SLC2A5: variants seen among roughly 807,000 people sequenced by gnomAD.
SLC2A5 encodes solute carrier family 2 member 5.
A neutral mutation model predicts 50.3 loss-of-function variants in SLC2A5; 56 were observed. The ratio of observed to expected loss-of-function variants is 1.11; its 90% CI spans 0.90 to 1.39. SLC2A5 has a LOEUF of 1.39. Among genes scored for constraint, SLC2A5 ranks in the 40% most tolerant of loss-of-function variants. The probability of loss-of-function intolerance (pLI) is 0.00; values close to 1 mark genes in which losing one functional copy is unlikely to be tolerated. For synonymous variants in SLC2A5, 269 were observed against 281.9 expected (o/e 0.95, Z 0.46); for missense variants, 566 against 650.1 (o/e 0.87, Z 1.41).
chr1:9,056,310 C>T (rs184944410), intron 3 of SLC2A5, among the ~76,000 whole-genome samples: 4 of 152,188 alleles, frequency 2.6e-5, no homozygotes, highest in East Asian at 1.9e-4. Flanking sequence ...CTCAGCCTCC[C>T]GAGTAGGGGG....
At chr1:9,047,826 A>T in intron 3 of SLC2A5, 92 bp from the exon 4 acceptor site, 1 of 1,333,376 alleles carries the variant, frequency 7.5e-7, no homozygotes, top group Admixed American at 1.9e-5. Flanking sequence ...CATAGGCTCC[A>T]GCAGTTACAG....
chr1:9,075,353 C>T (rs1299489375), intron 2 of SLC2A5, among the ~76,000 whole-genome samples: 1 of 152,166 alleles, frequency 6.6e-6, no homozygotes, highest in African/African-American at 2.4e-5. Context: ...GTGGCGTAAT[C>T]CAACATCCCA....
rs567677693 is a variant in SLC2A5, at chr1:9,038,350, G to C, written c.1174+81C>G. The C allele has an allele frequency of 2.1e-4, 215 of 1,031,660 alleles. No individual in the cohort carries two copies. The African/African-American group carries it at 2.8e-3, about 13-fold the overall frequency. The allele number at this position is 1,031,660 out of a possible 1,614,324, so 63.9% of individuals were successfully genotyped here. On this transcript the variant is annotated intron_variant, in intron 10 of 11. Coordinates refer to ENST00000377424, the MANE Select transcript of SLC2A5 (RefSeq NM_003039.3). ...TTTCCAGGCTGCATTGGCCATCCCT[G>C]GTATCTCTAAGGAGCTCCAGCCCGG... is the stretch of plus-strand genomic sequence containing the variant.
At chr1:9,082,469 C>T (rs115826349) in intron 2 of SLC2A5, among the ~76,000 whole-genome samples, 1,941 of 152,132 alleles carry the variant, frequency 0.013, 40 homozygotes, top group African/African-American at 0.044. Flanking sequence ...GTCCCAGCTC[C>T]CCAGGAGGCT....
upstream of SLC2A5, among the ~76,000 whole-genome samples, chr1:9,088,719 G>A (rs1705301): frequency 5.9e-5 from 9 of 152,114 alleles, no homozygotes; most frequent in Non-Finnish European, 1.2e-4. Context: ...GGAGGTGGAG[G>A]TTGCAGTGAG....
intron 3 of SLC2A5, among the ~76,000 whole-genome samples, chr1:9,052,977 T>A (rs200394892): frequency 0.017 from 2,386 of 136,454 alleles, 47 homozygotes; most frequent in East Asian, 0.071. Context: ...AAAAAAAATA[T>A]ATATATATAT....
chr1:9,085,677 T>C (rs1414896650), intron 1 of SLC2A5, among the ~76,000 whole-genome samples: 1 of 152,208 alleles, frequency 6.6e-6, no homozygotes, highest in East Asian at 1.9e-4. Context: ...GAGCCCTGAC[T>C]GAGGAGGAAG....
In SLC2A5 at chr1:9,057,620, A is replaced by G. The variant is rs141134903; in HGVS notation, c.133-12T>C. On this transcript the variant is annotated splice_polypyrimidine_tract_variant and intron_variant, in intron 2 of 11. Coordinates refer to ENST00000377424, the MANE Select transcript of SLC2A5 (RefSeq NM_003039.3). Reference sequence around the variant, plus strand: ...AATTGTTGCATGAGCTAGGAGACAAAGCAAAACAGAACACCAAAATAATTT... The same window carrying G: ...AATTGTTGCATGAGCTAGGAGACAAGGCAAAACAGAACACCAAAATAATTT... 1.1e-5 allele frequency: 18 copies of G among 1,608,366 alleles called. No individual in the cohort carries two copies. In the African/African-American group the frequency reaches 2.4e-4, roughly 22 times the overall value.
intron 2 of SLC2A5, among the ~76,000 whole-genome samples, chr1:9,077,346 C>T (rs1177586157): frequency 1.4e-5 from 2 of 148,124 alleles, no homozygotes; most frequent in Admixed American, 1.4e-4. Flanking sequence ...TTGCAGTGAA[C>T]TGAGATAGCG....
At chr1:9,056,296 C>T (rs748593132) in intron 3 of SLC2A5, among the ~76,000 whole-genome samples, 14 of 152,260 alleles carry the variant, frequency 9.2e-5, no homozygotes, top group African/African-American at 3.1e-4. Context: ...AGCAATTCTC[C>T]GGCCTCAGCC....
chr1:9,083,210 C>G (rs146370158), intron 2 of SLC2A5, among the ~76,000 whole-genome samples: 1,921 of 152,322 alleles, frequency 0.013, 46 homozygotes, highest in African/African-American at 0.043. Flanking sequence ...AAAGGCAACG[C>G]AAGGGCAGGG....
At chr1:9,041,632 C>T (rs985957011) in intron 5 of SLC2A5, 153 bp downstream of exon 5, 19 of 1,489,252 alleles carry the variant, frequency 1.3e-5, no homozygotes, top group East Asian at 2.4e-5. Flanking sequence ...TATGTTGGCT[C>T]GGGACAGGAT....
At chr1:9,074,007 G>C (rs1183087214), upstream of SLC2A5, among the ~76,000 whole-genome samples, 1 of 152,108 alleles carries the variant, frequency 6.6e-6, no homozygotes, top group Non-Finnish European at 1.5e-5. Flanking sequence ...TTGAACCCAG[G>C]TAGTGGAGGT....
chr1:9,051,738 A>G (rs1354672433), intron 3 of SLC2A5, among the ~76,000 whole-genome samples: 1 of 152,200 alleles, frequency 6.6e-6, no homozygotes, highest in Non-Finnish European at 1.5e-5. Context: ...AAAATTAAAC[A>G]TATGCTTATC....
At chr1:9,053,127 TTAC>T (rs1641631082) in intron 3 of SLC2A5, among the ~76,000 whole-genome samples, 1 of 108,702 alleles carries the variant, frequency 9.2e-6, no homozygotes, top group African/African-American at 3.7e-5. Context: ...TATATTTATA[TTAC>T]ATATATTTAT....
At chr1:9,038,717 A>C (rs915695860) in intron 9 of SLC2A5, 111 bp downstream of exon 9, 78 of 1,447,604 alleles carry the variant, frequency 5.4e-5, no homozygotes, top group Middle Eastern at 1.8e-4. Flanking sequence ...TATTTGCTAA[A>C]ACAGCTCATT....
rs147020135 is a variant in SLC2A5 at position 9,078,303 on chromosome 1, G to A, written c.-59+6711C>T. 1.5e-4 allele frequency among the ~76,000 whole-genome samples: 23 copies of A among 152,252 alleles called. No homozygotes were observed. In the East Asian group the frequency reaches 4.4e-3, roughly 29 times the overall value. On this transcript the variant is annotated intron_variant, in intron 2 of 5. Transcript: ENST00000464985. The stretch of plus-strand genomic sequence containing the variant: ...GCTTCTTTACCACATCCTTTCATCA[G>A]CAAGGTTTTTGTGACCTTGTGCTGA...
At chr1:9,038,388 CAG>C in intron 10 of SLC2A5, 41 bp downstream of exon 10, 1 of 1,440,088 alleles carries the variant, frequency 6.9e-7, no homozygotes. Context: ...CTTCTGGGAC[CAG>C]GGGGGGTTGT....
In SLC2A5 at chr1:9,037,634, C is replaced by T. The variant is rs750455456; in HGVS notation, c.1458G>A (p.Pro486=). ...TKMNKVSEVY[P]EKEELKELPP... ...GAAGCTCTTTCAGTTCCTCCTTTTC[C>T]GGGTACACTTCAGACACCTTATTCA... Residue 486 remains proline (P), a synonymous_variant, in exon 12 of 12, where the codon CCG becomes CCA. Coordinates refer to ENST00000377424, the MANE Select transcript of SLC2A5 (RefSeq NM_003039.3). The T allele has an allele frequency of 3.8e-5, 61 of 1,614,024 alleles. No individual in the cohort carries two copies. In the Admixed American group the frequency reaches 4.0e-4, roughly 11 times the overall value.
Sources: gnomAD v4.1 joint callset for allele counts (sites outside exome capture counted in the v4.1 genomes callset) on GRCh38, gnomAD v4.1.1 for gene constraint, MANE v1.5 for transcripts, NCBI Gene and HGNC (gene_info 2026-07-23, HGNC 2026-07-21) for gene names.